Variants in MLLT11 observed in about 807,000 individuals in gnomAD.
The protein encoded by MLLT11 is protein AF1q.
Under a neutral mutation model 5.3 loss-of-function variants are expected in MLLT11, and 1 was observed. The ratio of observed to expected loss-of-function variants is 0.19; its 90% CI spans 0.07 to 0.89. The LOEUF is 0.89. MLLT11 is among the 40% of genes least tolerant of loss of function. MLLT11 has a pLI of 0.67. For synonymous variants in MLLT11, 38 were observed against 41.7 expected, an observed-to-expected ratio of 0.91 and a Z score of 0.34; for missense variants, 87 against 107.3, an observed-to-expected ratio of 0.81 and a Z score of 0.83.
intron 1 of MLLT11, among the ~76,000 whole-genome samples, chr1:151,064,437 G>T (rs1676448650): frequency 6.6e-6 from 1 of 152,236 alleles, no homozygotes; most frequent in Non-Finnish European, 1.5e-5. Context: ...TAATTAAATA[G>T]TGAGGGAAAG....
At position 151,067,803 on chromosome 1, in the gene MLLT11, G is replaced by A; in HGVS notation, c.*306G>A. On this transcript the variant is annotated 3_prime_UTR_variant, in exon 2 of 2. Coordinates refer to ENST00000368921, the MANE Select transcript of MLLT11 (RefSeq NM_006818.4). ...ACTGGGGACACCTGAGAGTAGTATA[G>A]TAGTGCAAAATGGAAGACTGATTTT... 2.6e-6 allele frequency: 1 copy of A among 378,100 alleles called. No homozygotes were observed. The highest frequency in any genetic ancestry group is 4.4e-5 in the East Asian group (1 of 22,884). 23.4% of individuals were successfully genotyped at this position (378,100 alleles called of 1,614,324 possible).
At chr1:151,062,670 T>G (rs1383734137) in intron 1 of MLLT11, among the ~76,000 whole-genome samples, 1 of 152,162 alleles carries the variant, frequency 6.6e-6, no homozygotes, top group African/African-American at 2.4e-5. Flanking sequence ...CCCATGATTC[T>G]ATTTTTTAAA....
rs1286686548 is a variant in MLLT11, at chr1:151,067,544, C to T, written c.*47C>T. ...TCACCTTGCCCTCATTGTCTTCCCT[C>T]TCAAGCCCCTTCCTTTCCACTCCTT... On this transcript the variant is annotated 3_prime_UTR_variant, in exon 2 of 2. Coordinates refer to ENST00000368921, the MANE Select transcript of MLLT11 (RefSeq NM_006818.4). 2 of 1,568,978 alleles carry T rather than the reference C, an allele frequency of 1.3e-6. No homozygotes were observed. Among genetic ancestry groups the T allele is most frequent in the African/African-American group, 2.7e-5 (2 of 73,740 alleles).
intron 1 of MLLT11, among the ~76,000 whole-genome samples, chr1:151,063,959 G>A (rs587751420): frequency 3.3e-5 from 5 of 152,176 alleles, no homozygotes; most frequent in South Asian, 2.1e-4. Context: ...CAGTATACTC[G>A]AGCACTGGGA....
chr1:151,061,266 A>G (rs1253205142), intron 1 of MLLT11, among the ~76,000 whole-genome samples: 1 of 152,104 alleles, frequency 6.6e-6, no homozygotes, highest in Non-Finnish European at 1.5e-5. Context: ...GATGTCAGAG[A>G]GGTTCTGCTC....
At position 151,060,495 on chromosome 1, in the gene MLLT11, C is replaced by T. The variant is rs2102978909; in HGVS notation, c.-65C>T. On this transcript the variant is annotated 5_prime_UTR_variant, in exon 1 of 2. Transcript: ENST00000368921. ...TATTTCTCCAGCCCGGCGCAGACCC[C>T]GGAGCTCCCGAGGCACTCCCTCCAT... is the stretch of plus-strand genomic sequence containing the variant. 1 of 152,324 alleles carries T rather than the reference C, an allele frequency of 6.6e-6. No homozygotes were observed. The highest frequency in any genetic ancestry group is 6.5e-5 in the Admixed American group (1 of 15,294). The allele number at this position is 152,324 out of a possible 1,614,324, so 9.4% of individuals were successfully genotyped here.
At chr1:151,064,819 T>C (rs1378851456) in intron 1 of MLLT11, among the ~76,000 whole-genome samples, 12 of 152,218 alleles carry the variant, frequency 7.9e-5, no homozygotes, top group Admixed American at 7.9e-4. Flanking sequence ...CTTTCTAATC[T>C]ACATATTTGC....
chr1:151,064,131 C>T (rs1402404770), intron 1 of MLLT11, among the ~76,000 whole-genome samples: 3 of 152,146 alleles, frequency 2.0e-5, no homozygotes, highest in Non-Finnish European at 2.9e-5. Context: ...AAGCAATTTT[C>T]CTGCCTCAGC....
At chr1:151,065,049 C>G (rs982079106) in intron 1 of MLLT11, among the ~76,000 whole-genome samples, 1 of 151,784 alleles carries the variant, frequency 6.6e-6, no homozygotes, top group Non-Finnish European at 1.5e-5. Context: ...GAAGGGGAAG[C>G]TAGCCAAAAA....
chr1:151,062,797 T>C (rs989579782), intron 1 of MLLT11, among the ~76,000 whole-genome samples: 5 of 152,214 alleles, frequency 3.3e-5, no homozygotes, highest in Admixed American at 1.3e-4. Context: ...AGAATCCCTG[T>C]AGCCACAAGT....
intron 1 of MLLT11, among the ~76,000 whole-genome samples, chr1:151,063,025 CCTCCTT>C: frequency 6.6e-6 from 1 of 152,260 alleles, no homozygotes; most frequent in African/African-American, 2.4e-5. Context: ...CCGGCATCAC[CCTCCTT>C]CTAAGCAGCT....
chr1:151,068,191 CCTAA>C lies in MLLT11; in HGVS notation c.*697_*700del, dbSNP rs587695892. ...CACCTACTCACTTTACAACTTTGCT[CCTAA>C]CTGTGGGTTGAAAACTCTAGCTAAA... On this transcript the variant is annotated 3_prime_UTR_variant, in exon 2 of 2. Transcript: ENST00000368921. The C allele has an allele frequency of 4.7e-4, 112 of 239,652 alleles. No individual in the cohort carries two copies. Among genetic ancestry groups the C allele is most frequent in the African/African-American group, 2.0e-3 (88 of 45,030 alleles). The allele number at this position is 239,652 out of a possible 1,614,324, so 14.8% of individuals were successfully genotyped here. A position where few individuals can be genotyped will look rare whatever the true frequency, so the allele number is the denominator to read the frequency against.
rs1002800576 is a variant in MLLT11, at chr1:151,068,900, A to G, written c.*1403A>G. Reference sequence around the variant, plus strand: ...GAGCCCGGCCTCATTTTATCTTTCTATAATAATATTCAACTTAGAGGAAGA... The same window carrying G: ...GAGCCCGGCCTCATTTTATCTTTCTGTAATAATATTCAACTTAGAGGAAGA... On this transcript the variant is annotated 3_prime_UTR_variant, in exon 2 of 2. Transcript: ENST00000368921. Among the ~76,000 whole-genome samples the G allele has an allele frequency of 7.2e-5, 11 of 152,268 alleles. No individual in the cohort carries two copies. Among genetic ancestry groups the G allele is most frequent in the African/African-American group, 2.4e-4 (10 of 41,554 alleles).
chr1:151,064,797 G>T (rs927582789), intron 1 of MLLT11, among the ~76,000 whole-genome samples: 8 of 138,234 alleles, frequency 5.8e-5, no homozygotes, highest in Non-Finnish European at 1.1e-4. Context: ...GTGTGGCTCC[G>T]AGAGAGTGTA....
intron 1 of MLLT11, among the ~76,000 whole-genome samples, chr1:151,065,592 C>T (rs148633829): frequency 6.6e-6 from 1 of 151,576 alleles, no homozygotes; most frequent in African/African-American, 2.4e-5. Context: ...GGGGGAGATG[C>T]TGGAGGAAAT....
At position 151,067,364 on chromosome 1, in the gene MLLT11, A is replaced by C. The variant is rs587658634; in HGVS notation, c.140A>C (p.Lys47Thr). The change falls in exon 2 of 2, where the codon AAA becomes ACA. Residue 47 changes from lysine to threonine, a missense_variant. Transcript: ENST00000368921. The stretch of plus-strand genomic sequence containing the variant: ...AAGGTCAAAGACAGCAGCGTTGGCA[A>C]AATGATCGGGCAAGCAACTGCAGCA... Reference protein sequence around the residue: ...TYKVKDSSVGKMIGQATAADQ... With the variant: ...TYKVKDSSVGTMIGQATAADQ... 6.2e-7 allele frequency: 1 copy of C among 1,614,146 alleles called. No homozygotes were observed. Among genetic ancestry groups the C allele is most frequent in the African/African-American group, 1.3e-5 (1 of 75,048 alleles).
intron 1 of MLLT11, among the ~76,000 whole-genome samples, chr1:151,064,408 T>C (rs1303654218): frequency 6.6e-6 from 1 of 152,174 alleles, no homozygotes; most frequent in African/African-American, 2.4e-5. Context: ...TGGGCTAATA[T>C]AAGGGAATGG....
At chr1:151,066,892 T>G (rs1337583014) in intron 1 of MLLT11, among the ~76,000 whole-genome samples, 1 of 150,130 alleles carries the variant, frequency 6.7e-6, no homozygotes, top group Admixed American at 6.6e-5. Context: ...GCCACTGCAC[T>G]CCAGCCTGGG....
intron 1 of MLLT11, among the ~76,000 whole-genome samples, chr1:151,066,111 A>G (rs1676473181): frequency 1.3e-5 from 2 of 152,186 alleles, no homozygotes; most frequent in African/African-American, 4.8e-5. Flanking sequence ...AAGTGCTGGG[A>G]ATACAGGTGT....
Sources: allele counts gnomAD v4.1 joint callset (sites outside exome capture counted in the v4.1 genomes callset), GRCh38; gene constraint gnomAD v4.1.1; transcripts MANE v1.5; gene names NCBI Gene and HGNC (gene_info 2026-07-23, HGNC 2026-07-21).